The following SEMA3C variants were observed in gnomAD, a reference collection of about 807,000 sequenced individuals.
SEMA3C encodes semaphorin-3C.
Under a neutral mutation model 89.4 loss-of-function variants are expected in SEMA3C, and 47 were observed. The ratio of observed to expected loss-of-function variants is 0.53; its 90% CI spans 0.42 to 0.67. The LOEUF (loss-of-function observed/expected upper bound fraction) is 0.67, where lower values mean the gene tolerates loss of function less well. Ranked by LOEUF, SEMA3C falls within the 30% of genes least tolerant of loss-of-function variation. SEMA3C has a pLI of 0.00. For synonymous variants in SEMA3C, 310 were observed against 320.2 expected, an observed-to-expected ratio of 0.97 and a Z score of 0.34; for missense variants, 839 against 929.1, an observed-to-expected ratio of 0.90 and a Z score of 1.26.
Position 80,743,093 on chromosome 7 carries a change from A to C in SEMA3C, c.*1801T>G, listed in dbSNP as rs1296967845. The C allele has an allele frequency of 6.6e-6, 1 of 151,892 alleles. No homozygotes were observed. The highest frequency in any genetic ancestry group is 1.5e-5 in the Non-Finnish European group (1 of 67,824). The allele number at this position is 151,892 out of a possible 1,614,324, so 9.4% of individuals were successfully genotyped here. A position where few individuals can be genotyped will look rare whatever the true frequency, so the allele number is the denominator to read the frequency against. ...AGAAGATGGTTTTGGCTTTACATTG[A>C]CACATTTCTGTGTGTCAATGTAGAA... On this transcript the variant is annotated 3_prime_UTR_variant, in exon 18 of 18. Coordinates refer to ENST00000265361, the MANE Select transcript of SEMA3C (RefSeq NM_006379.5).
intron 15 of SEMA3C, among the ~76,000 whole-genome samples, chr7:80,754,863 C>T (rs1054337304): frequency 5.3e-5 from 8 of 151,934 alleles, no homozygotes; most frequent in Non-Finnish European, 8.8e-5. Context: ...CTGCAATCTC[C>T]GCCACAAGGG....
intron 15 of SEMA3C, among the ~76,000 whole-genome samples, chr7:80,754,966 T>TTTG (rs369121267): frequency 7.2e-6 from 1 of 139,038 alleles, no homozygotes; most frequent in Non-Finnish European, 1.6e-5. Flanking sequence ...TGTTTTTTTT[T>TTTG]TTTTTGTATT....
At chr7:80,880,910 G>A (rs1791320186) in intron 2 of SEMA3C, among the ~76,000 whole-genome samples, 1 of 152,122 alleles carries the variant, frequency 6.6e-6, no homozygotes, top group Admixed American at 6.6e-5. Context: ...GGGTGACAGA[G>A]AGACACTCTG....
Position 80,784,460 on chromosome 7 carries a change from A to ATT in SEMA3C, c.1354+4844_1354+4845dup, listed in dbSNP as rs151042245. 2.0e-5 allele frequency among the ~76,000 whole-genome samples: 3 copies of ATT among 151,140 alleles called. No individual in the cohort carries two copies. In the Admixed American group the frequency reaches 2.0e-4, roughly 10 times the overall value. On this transcript the variant is annotated intron_variant, in intron 12 of 17. Transcript: ENST00000265361. ...GCTTAAATTTTAACAAAGTAGCAGC[A>ATT]TTTTTTTTTACTCAAGATAAAAGAA...
At chr7:80,786,302 A>G (rs1160781209) in intron 12 of SEMA3C, among the ~76,000 whole-genome samples, 2 of 152,238 alleles carry the variant, frequency 1.3e-5, no homozygotes, top group Non-Finnish European at 2.9e-5. Context: ...TCTATGAATA[A>G]ATACTGCTGA....
At chr7:80,881,156 G>A (rs779679573) in intron 2 of SEMA3C, among the ~76,000 whole-genome samples, 5 of 140,640 alleles carry the variant, frequency 3.6e-5, no homozygotes, top group Admixed American at 7.5e-5. Context: ...TTGTTGCCTG[G>A]AGAAAGAAAC....
At chr7:80,880,828 G>A (rs754502424) in intron 2 of SEMA3C, among the ~76,000 whole-genome samples, 20 of 152,254 alleles carry the variant, frequency 1.3e-4, no homozygotes, top group Middle Eastern at 3.4e-3. Flanking sequence ...AGGAGGCTGA[G>A]ACAGAAGAAT....
chr7:80,828,811 A>G, intron 2 of SEMA3C, 66 bp from the exon 3 acceptor site: 1 of 1,216,010 alleles, frequency 8.2e-7, no homozygotes. Flanking sequence ...TATTTTAATA[A>G]AAACTATTAT....
At chr7:80,919,300 C>A (rs1332070069), upstream of SEMA3C, 2 of 984,282 alleles carry the variant, frequency 2.0e-6, no homozygotes, top group Non-Finnish European at 2.4e-6. Flanking sequence ...CGCAAGAATG[C>A]GCGGCCGCAG....
intron 2 of SEMA3C, among the ~76,000 whole-genome samples, chr7:80,833,202 A>T (rs1368711119): frequency 6.6e-6 from 1 of 152,138 alleles, no homozygotes; most frequent in East Asian, 1.9e-4. Flanking sequence ...TGGGAGGCAG[A>T]GGCAGGTGGA....
chr7:80,916,899 A>C, intron 1 of SEMA3C, 80 bp from the exon 2 acceptor site: 1 of 1,134,380 alleles, frequency 8.8e-7, no homozygotes, highest in Non-Finnish European at 1.2e-6. Context: ...TAGACAAAAC[A>C]CCCTATTCAC....
At position 80,827,392 on chromosome 7, in the gene SEMA3C, GTTTTT is replaced by G. The variant is rs36066966; in HGVS notation, c.327+28_327+32del. 11,866 of 1,229,410 alleles carry G rather than the reference GTTTTT, an allele frequency of 9.7e-3. 21 individuals are homozygous for G. The highest frequency in any genetic ancestry group is 0.032 in the South Asian group (1,766 of 55,196). 76.2% of individuals were successfully genotyped at this position (1,229,410 alleles called of 1,614,324 possible). On this transcript the variant is annotated intron_variant, in intron 4 of 17. Transcript: ENST00000265361. Reference sequence around the variant, plus strand: ...TCGAAAACCAAATATTTAAGTTAGTGTTTTTTTTTTTTTTTTTTTTTTTAACACTT... The same window carrying G: ...TCGAAAACCAAATATTTAAGTTAGTGTTTTTTTTTTTTTTTTTTAACACTT...
chr7:80,796,796 A>G (rs1789076386), intron 11 of SEMA3C, among the ~76,000 whole-genome samples: 1 of 152,224 alleles, frequency 6.6e-6, no homozygotes, highest in Non-Finnish European at 1.5e-5. Flanking sequence ...CACAAAATAC[A>G]TATAAATGAT....
chr7:80,903,907 C>T (rs1036322241), intron 2 of SEMA3C, among the ~76,000 whole-genome samples: 10 of 152,284 alleles, frequency 6.6e-5, no homozygotes, highest in Admixed American at 3.3e-4. Flanking sequence ...CACTCCCCTA[C>T]CCCTACCACC....
At chr7:80,809,930 G>A (rs1174824100) in intron 6 of SEMA3C, among the ~76,000 whole-genome samples, 1 of 151,860 alleles carries the variant, frequency 6.6e-6, no homozygotes, top group African/African-American at 2.4e-5. Context: ...ACAGAGGGTA[G>A]AAAGGTTAAT....
chr7:80,767,380 G>T (rs762924470), intron 12 of SEMA3C, among the ~76,000 whole-genome samples: 11 of 152,058 alleles, frequency 7.2e-5, no homozygotes, highest in Non-Finnish European at 1.5e-4. Context: ...AAATTGAGAT[G>T]CCAAAATAAA....
At chr7:80,813,491 C>G (rs568134020) in intron 5 of SEMA3C, among the ~76,000 whole-genome samples, 2 of 152,264 alleles carry the variant, frequency 1.3e-5, no homozygotes, top group East Asian at 3.9e-4. Flanking sequence ...AAGCAAAGCC[C>G]TTAAATGATA....
chr7:80,792,116 T>C (rs779514865), intron 11 of SEMA3C, among the ~76,000 whole-genome samples: 1 of 152,210 alleles, frequency 6.6e-6, no homozygotes. Flanking sequence ...GGAGTTCATA[T>C]GTTTTTATTT....
intron 2 of SEMA3C, among the ~76,000 whole-genome samples, chr7:80,906,938 T>C (rs2116222567): frequency 6.6e-6 from 1 of 152,302 alleles, no homozygotes; most frequent in East Asian, 1.9e-4. Flanking sequence ...TATACCACTG[T>C]TGTCAATATA....
Sources: gnomAD v4.1 joint callset for allele counts (sites outside exome capture counted in the v4.1 genomes callset) on GRCh38, gnomAD v4.1.1 for gene constraint, MANE v1.5 for transcripts, NCBI Gene and HGNC (gene_info 2026-07-23, HGNC 2026-07-21) for gene names.